Variants in RPP30 observed in about 807,000 individuals in gnomAD.
The protein encoded by RPP30 is ribonuclease P protein subunit p30.
Under a neutral mutation model 38.6 loss-of-function variants are expected in RPP30, and 36 were observed. The observed-to-expected ratio is 0.93, with a 90% CI of 0.71 to 1.23. RPP30 has a LOEUF of 1.23. Among genes scored for constraint, RPP30 ranks in the 50% most tolerant of loss-of-function variants. The probability of loss-of-function intolerance (pLI) is 0.00; values close to 1 mark genes in which losing one functional copy is unlikely to be tolerated. For synonymous variants in RPP30, 126 were observed against 112.7 expected (o/e 1.12, Z -0.75); for missense variants, 321 against 321.7 (o/e 1.00, Z 0.02).
exon 5 of RPP30, chr10:90,908,497 T>A (rs964372161): frequency 2.6e-5 from 4 of 152,222 alleles, no homozygotes; most frequent in African/African-American, 9.6e-5. Flanking sequence ...CTGTTTCCTG[T>A]CTCGCTCATG....
intron 5 of RPP30, among the ~76,000 whole-genome samples, chr10:90,884,297 T>C (rs568331050): frequency 1.1e-4 from 17 of 152,326 alleles, no homozygotes; most frequent in Non-Finnish European, 1.9e-4. Flanking sequence ...GTAGAATTGT[T>C]GGTGTGTGCA....
At chr10:90,883,287 G>GA (rs1846956516) in intron 5 of RPP30, among the ~76,000 whole-genome samples, 1 of 100,272 alleles carries the variant, frequency 1.0e-5, no homozygotes. Flanking sequence ...GGAGTCTCTG[G>GA]CCAAAAAAAA....
At chr10:90,878,443 A>G (rs957873187) in intron 4 of RPP30, among the ~76,000 whole-genome samples, 1 of 152,086 alleles carries the variant, frequency 6.6e-6, no homozygotes, top group Non-Finnish European at 1.5e-5. Flanking sequence ...TAGTCTTTTC[A>G]TATACAGACT....
In RPP30 at chr10:90,900,722, T is replaced by C; in HGVS notation, c.*43T>C. Reference sequence around the variant, plus strand: ...CTGTCAGCACTCCCTTCTTCCCTTTTATAGTTCATCAGCCACAACAAAAAT... The same window carrying C: ...CTGTCAGCACTCCCTTCTTCCCTTTCATAGTTCATCAGCCACAACAAAAAT... On this transcript the variant is annotated 3_prime_UTR_variant, in exon 11 of 11. Transcript: ENST00000371703. The C allele has an allele frequency of 6.3e-7, 1 of 1,583,708 alleles. No individual in the cohort carries two copies. The highest frequency in any genetic ancestry group is 8.6e-7 in the Non-Finnish European group (1 of 1,168,034).
At chr10:90,875,719 C>A in intron 3 of RPP30, 105 bp downstream of exon 3, 2 of 957,574 alleles carry the variant, frequency 2.1e-6, no homozygotes, top group South Asian at 1.3e-5. Flanking sequence ...CTCTGAGTAC[C>A]AGTCTTAACG....
intron 4 of RPP30, among the ~76,000 whole-genome samples, chr10:90,878,648 C>T (rs12411309): frequency 0.21 from 31,439 of 151,968 alleles, 4,080 homozygotes; most frequent in African/African-American, 0.36. Flanking sequence ...TGTACCACCA[C>T]ACCCAGCTAA....
At chr10:90,896,172 C>T in intron 9 of RPP30, 141 bp from the exon 10 acceptor site, 1 of 712,014 alleles carries the variant, frequency 1.4e-6, no homozygotes, top group Non-Finnish European at 2.4e-6. Flanking sequence ...TTCTCAGATG[C>T]ATGTTCCAGT....
chr10:90,878,854 G>A (rs896049264), intron 4 of RPP30, among the ~76,000 whole-genome samples: 1 of 152,150 alleles, frequency 6.6e-6, no homozygotes, highest in South Asian at 2.1e-4. Flanking sequence ...AACAAATGTA[G>A]GAAGGAAGGA....
Position 90,901,918 on chromosome 10 carries a change from A to G in RPP30, c.*1239A>G. ...ACTGCAAGCTCCGCCTCCTGGGTTC[A>G]TGCCATTCTCCTGCCTCAGCCTCCT... On this transcript the variant is annotated 3_prime_UTR_variant, in exon 11 of 11. Transcript: ENST00000371703. 2.2e-6 allele frequency: 1 copy of G among 460,302 alleles called. No homozygotes were observed. Among genetic ancestry groups the G allele is most frequent in the Non-Finnish European group, 2.8e-6 (1 of 352,746 alleles). 28.5% of individuals were successfully genotyped at this position (460,302 alleles called of 1,614,324 possible). A position where few individuals can be genotyped will look rare whatever the true frequency, so the allele number is the denominator to read the frequency against.
At chr10:90,900,541 G>A (rs1393680136) in intron 10 of RPP30, 29 bp from the exon 11 acceptor site, 5 of 1,596,030 alleles carry the variant, frequency 3.1e-6, no homozygotes, top group Non-Finnish European at 4.3e-6. Flanking sequence ...TTAACTTCAA[G>A]CACAGTGGTT....
At chr10:90,892,258 A>C (rs965916673) in intron 6 of RPP30, among the ~76,000 whole-genome samples, 1 of 152,238 alleles carries the variant, frequency 6.6e-6, no homozygotes, top group East Asian at 1.9e-4. Context: ...GGCAATTTGC[A>C]TCAAAATGGT....
intron 3 of RPP30, 32 bp from the exon 4 acceptor site, chr10:90,875,992 T>A: frequency 8.3e-7 from 1 of 1,198,478 alleles, no homozygotes; most frequent in Non-Finnish European, 1.2e-6. Flanking sequence ...TTGTCTTTTG[T>A]GCTTTTTTGA....
intron 6 of RPP30, among the ~76,000 whole-genome samples, chr10:90,891,370 A>AT (rs1324324387): frequency 6.6e-6 from 1 of 152,218 alleles, no homozygotes; most frequent in Admixed American, 6.5e-5. Context: ...GACACCAGTC[A>AT]TATTGGATTA....
intron 5 of RPP30, among the ~76,000 whole-genome samples, chr10:90,883,727 TG>T (rs1341128386): frequency 2.6e-5 from 4 of 152,200 alleles, no homozygotes; most frequent in African/African-American, 9.7e-5. Flanking sequence ...AGCTTTATTC[TG>T]GGGAGAATGT....
At chr10:90,907,385 C>T (rs1847264807), downstream of RPP30, among the ~76,000 whole-genome samples, 1 of 152,186 alleles carries the variant, frequency 6.6e-6, no homozygotes, top group Non-Finnish European at 1.5e-5. Flanking sequence ...ATGAAATCCC[C>T]AATGCCTGTG....
At chr10:90,889,316 T>C (rs1487423918) in intron 6 of RPP30, among the ~76,000 whole-genome samples, 1 of 145,974 alleles carries the variant, frequency 6.9e-6, no homozygotes, top group East Asian at 2.0e-4. Context: ...TTTTTTTTTT[T>C]TTTTTTTTTT....
exon 5 of RPP30, chr10:90,908,546 CATTATT>C (rs1564572021): frequency 1.3e-5 from 2 of 152,040 alleles, no homozygotes; most frequent in African/African-American, 4.8e-5. Context: ...AAAACTTTTT[CATTATT>C]ATTATATGTG....
chr10:90,883,233 A>G (rs566569936), intron 5 of RPP30, among the ~76,000 whole-genome samples: 6 of 149,606 alleles, frequency 4.0e-5, no homozygotes, highest in African/African-American at 1.5e-4. Flanking sequence ...ATGTGTATAT[A>G]TGTGTGCATT....
chr10:90,902,151 A>G lies in RPP30; in HGVS notation c.*1472A>G. 1 of 981,130 alleles carries G rather than the reference A, an allele frequency of 1.0e-6. No individual in the cohort carries two copies. The highest frequency in any genetic ancestry group is 1.2e-6 in the Non-Finnish European group (1 of 820,714). 60.8% of individuals were successfully genotyped at this position (981,130 alleles called of 1,614,324 possible). ...CTTTATAACCTCACCAATGAATACA[A>G]ATGTTTAAATAAAATATTGATTAAA... On this transcript the variant is annotated 3_prime_UTR_variant, in exon 11 of 11. Transcript: ENST00000371703.
Sources: gnomAD v4.1 joint callset for allele counts (sites outside exome capture counted in the v4.1 genomes callset) on GRCh38, gnomAD v4.1.1 for gene constraint, MANE v1.5 for transcripts, NCBI Gene and HGNC (gene_info 2026-07-23, HGNC 2026-07-21) for gene names.